FRMD3: variants seen among roughly 807,000 people sequenced by gnomAD.
FRMD3 encodes the protein FERM domain-containing protein 3.
In FRMD3, 33 loss-of-function variants were observed where a neutral mutation model predicts 70.2. The ratio of observed to expected loss-of-function variants is 0.47; its 90% CI spans 0.36 to 0.63. The LOEUF is 0.63. Ranked by LOEUF, FRMD3 falls within the 20% of genes least tolerant of loss-of-function variation. The probability of loss-of-function intolerance (pLI) is 0.00; values close to 1 mark genes in which losing one functional copy is unlikely to be tolerated. For synonymous variants in FRMD3, 279 were observed against 255.9 expected (o/e 1.09, Z -0.86); for missense variants, 632 against 711.4 (o/e 0.89, Z 1.27).
intron 1 of FRMD3, among the ~76,000 whole-genome samples, chr9:83,498,564 G>T (rs1460667209): frequency 6.6e-6 from 1 of 151,972 alleles, no homozygotes. Flanking sequence ...TAAATAAAAT[G>T]AAAAAATACT....
At chr9:83,440,971 G>A (rs1040086127) in intron 1 of FRMD3, among the ~76,000 whole-genome samples, 8 of 152,056 alleles carry the variant, frequency 5.3e-5, no homozygotes, top group Admixed American at 2.0e-4. Context: ...GACTTGTTTC[G>A]GCCAATGAAG....
intron 10 of FRMD3, among the ~76,000 whole-genome samples, chr9:83,305,862 A>G (rs1373406791): frequency 6.6e-6 from 1 of 152,218 alleles, no homozygotes; most frequent in Non-Finnish European, 1.5e-5. Context: ...TTGTGCTCAC[A>G]GCTAAACCCT....
chr9:83,302,205 G>A lies in FRMD3; in HGVS notation c.927-3019C>T, dbSNP rs117297488. ...AAACCTGGCCGGGCATCAGACACCT[G>A]GAGTAGGTATAAAAAACACAGGTTC... On this transcript the variant is annotated intron_variant, in intron 10 of 13. Coordinates refer to ENST00000304195, the MANE Select transcript of FRMD3 (RefSeq NM_174938.6). Among the ~76,000 whole-genome samples the A allele has an allele frequency of 2.3e-3, 352 of 152,262 alleles. 2 individuals are homozygous for A. Among genetic ancestry groups the A allele is most frequent in the Middle Eastern group, 0.014 (4 of 294 alleles).
At chr9:83,553,495 G>A in the FRMD3 span, among the ~76,000 whole-genome samples, 1 of 152,094 alleles carries the variant, frequency 6.6e-6, no homozygotes. Flanking sequence ...TTTCAGGGGT[G>A]CCTATGATTC....
intron 1 of FRMD3, among the ~76,000 whole-genome samples, chr9:83,412,851 C>T (rs1163412465): frequency 2.6e-5 from 4 of 151,972 alleles, no homozygotes; most frequent in African/African-American, 7.3e-5. Flanking sequence ...AAAAATTAGC[C>T]GGGCATGGTG....
chr9:83,465,275 C>T (rs762802045), intron 1 of FRMD3, among the ~76,000 whole-genome samples: 3 of 152,124 alleles, frequency 2.0e-5, no homozygotes, highest in Admixed American at 1.3e-4. Flanking sequence ...GTCCTGACTC[C>T]GGTCCCAGTG....
intron 10 of FRMD3, among the ~76,000 whole-genome samples, chr9:83,308,082 C>G (rs1322544887): frequency 6.6e-6 from 1 of 152,174 alleles, no homozygotes. Context: ...CCTAGCACAG[C>G]ATTTTGTGCG....
the FRMD3 span, among the ~76,000 whole-genome samples, chr9:83,570,944 A>C: frequency 1.3e-5 from 2 of 152,174 alleles, no homozygotes; most frequent in African/African-American, 4.8e-5. Flanking sequence ...AGGTAAAAGA[A>C]AAGTCAAAAA....
At chr9:83,379,675 C>T (rs76697683) in intron 2 of FRMD3, among the ~76,000 whole-genome samples, 1,930 of 152,284 alleles carry the variant, frequency 0.013, 34 homozygotes, top group African/African-American at 0.044. Context: ...CAAGCCCCAG[C>T]AGCCTGACGC....
intron 1 of FRMD3, among the ~76,000 whole-genome samples, chr9:83,460,514 G>A (rs546707703): frequency 7.2e-5 from 11 of 152,256 alleles, no homozygotes; most frequent in Admixed American, 3.3e-4. Flanking sequence ...TTAATGTGTC[G>A]GGGGTACAGG....
At chr9:83,358,208 C>T (rs1163686519) in intron 3 of FRMD3, among the ~76,000 whole-genome samples, 1 of 152,214 alleles carries the variant, frequency 6.6e-6, no homozygotes, top group Non-Finnish European at 1.5e-5. Flanking sequence ...CCCCACTTTA[C>T]GTTTTTGTTT....
chr9:83,291,931 T>A (rs1241928692), intron 12 of FRMD3, among the ~76,000 whole-genome samples: 1 of 152,204 alleles, frequency 6.6e-6, no homozygotes, highest in Non-Finnish European at 1.5e-5. Context: ...CCATCTTGAA[T>A]TAAAAGCTCC....
chr9:83,245,666 T>TATA lies in FRMD3; in HGVS notation c.*2249_*2251dup, dbSNP rs1396425367. The TATA allele has an allele frequency of 1.1e-6, 1 of 879,278 alleles. No homozygotes were observed. The highest frequency in any genetic ancestry group is 1.8e-5 in the African/African-American group (1 of 55,116). 54.5% of individuals were successfully genotyped at this position (879,278 alleles called of 1,614,324 possible). The stretch of plus-strand genomic sequence containing the variant: ...TAGTTCCATAATTTAAAAAATATTA[T>TATA]ATAATATTATTTTGAAAGACTGAGG... On this transcript the variant is annotated 3_prime_UTR_variant, in exon 14 of 14. Transcript: ENST00000304195.
chr9:83,365,601 C>G (rs569959099), intron 3 of FRMD3, among the ~76,000 whole-genome samples: 1 of 152,156 alleles, frequency 6.6e-6, no homozygotes, highest in East Asian at 1.9e-4. Flanking sequence ...GTTTAGGACA[C>G]CATTTGGATC....
At chr9:83,409,979 A>G (rs1213933186) in intron 1 of FRMD3, among the ~76,000 whole-genome samples, 2 of 152,146 alleles carry the variant, frequency 1.3e-5, no homozygotes, top group South Asian at 2.1e-4. Context: ...CCAGCCCTCA[A>G]TGCCATTTCT....
intron 1 of FRMD3, among the ~76,000 whole-genome samples, chr9:83,509,209 T>C (rs146822571): frequency 2.6e-3 from 392 of 152,330 alleles, no homozygotes; most frequent in African/African-American, 9.0e-3. Flanking sequence ...GTCACTTATG[T>C]GTTGAATTGA....
intron 13 of FRMD3, among the ~76,000 whole-genome samples, chr9:83,287,591 C>T (rs1213224383): frequency 6.6e-6 from 1 of 152,206 alleles, no homozygotes; most frequent in Non-Finnish European, 1.5e-5. Context: ...TTCTACCTCA[C>T]CTTCACCATC....
Position 83,361,469 on chromosome 9 carries a change from C to G in FRMD3, c.295+11444G>C, listed in dbSNP as rs573420844. Among the ~76,000 whole-genome samples, 236 of 152,230 alleles carry G rather than the reference C, an allele frequency of 1.6e-3. 4 individuals are homozygous for G. The highest frequency in any genetic ancestry group is 0.01 in the Middle Eastern group (3 of 294). On this transcript the variant is annotated intron_variant, in intron 3 of 13. Coordinates refer to ENST00000304195, the MANE Select transcript of FRMD3 (RefSeq NM_174938.6). ...TCTGGAGGCAGGGTTACAGCCACAA[C>G]AGGGATTGGAAGAAATGAATTGTGC... is the stretch of plus-strand genomic sequence containing the variant.
intron 13 of FRMD3, among the ~76,000 whole-genome samples, chr9:83,266,799 T>C (rs1449808747): frequency 1.3e-5 from 2 of 152,142 alleles, no homozygotes; most frequent in African/African-American, 4.8e-5. Context: ...TTTATATCAT[T>C]TGGAACACAC....
Sources: gnomAD v4.1 joint callset for allele counts (sites outside exome capture counted in the v4.1 genomes callset) on GRCh38, gnomAD v4.1.1 for gene constraint, MANE v1.5 for transcripts, NCBI Gene and HGNC (gene_info 2026-07-23, HGNC 2026-07-21) for gene names.